The following ADAM23 variants were observed in gnomAD, a reference collection of about 807,000 sequenced individuals.
ADAM23 encodes ADAM metallopeptidase domain 23.
Under a neutral mutation model 120.1 loss-of-function variants are expected in ADAM23, and 33 were observed. That is an observed-to-expected ratio of 0.27 (90% confidence interval 0.21 to 0.37). ADAM23 has a LOEUF of 0.37. Ranked by LOEUF, ADAM23 falls within the 10% of genes least tolerant of loss-of-function variation. The pLI is 1.00. For missense variants in ADAM23, 862 were observed against 1,058.2 expected, an observed-to-expected ratio of 0.81 and a Z score of 2.57; for synonymous variants, 367 against 375.2, an observed-to-expected ratio of 0.98 and a Z score of 0.25.
intron 3 of ADAM23, among the ~76,000 whole-genome samples, chr2:206,502,995 A>C (rs1696421962): frequency 6.6e-6 from 1 of 152,194 alleles, no homozygotes; most frequent in Admixed American, 6.6e-5. Flanking sequence ...TATATGTATA[A>C]ATCAGGATGA....
At chr2:206,570,850 T>C in intron 16 of ADAM23, 39 bp downstream of exon 16, 1 of 1,560,864 alleles carries the variant, frequency 6.4e-7, no homozygotes, top group African/African-American at 1.4e-5. Flanking sequence ...AGCACAGATC[T>C]TACTTGGTGC....
In ADAM23 at chr2:206,449,166, G is replaced by A. The variant is rs2105848394; in HGVS notation, c.432+3642G>A. ...GGGAAAACCCTCCCATACGTCAGAT[G>A]TCAGAAGTGTTGGGTTAAGTGTTGT... is the stretch of plus-strand genomic sequence containing the variant. On this transcript the variant is annotated intron_variant, in intron 2 of 25. Transcript: ENST00000264377. Among the ~76,000 whole-genome samples, 3 of 152,326 alleles carry A rather than the reference G, an allele frequency of 2.0e-5. No homozygotes were observed. The South Asian group carries it at 6.2e-4, about 32-fold the overall frequency.
At chr2:206,559,612 C>T (rs935001785) in intron 10 of ADAM23, among the ~76,000 whole-genome samples, 7 of 152,246 alleles carry the variant, frequency 4.6e-5, no homozygotes, top group African/African-American at 1.7e-4. Context: ...CAGGCTCCAA[C>T]CTGTTACCTG....
At chr2:206,499,949 G>A (rs1235379342) in intron 3 of ADAM23, among the ~76,000 whole-genome samples, 1 of 152,064 alleles carries the variant, frequency 6.6e-6, no homozygotes, top group East Asian at 1.9e-4. Flanking sequence ...GAATCAAACT[G>A]TTCCTTCACC....
chr2:206,477,887 A>ATATATATATATATATATAT (rs1285925261), intron 2 of ADAM23, among the ~76,000 whole-genome samples: 2 of 82,334 alleles, frequency 2.4e-5, no homozygotes, highest in South Asian at 3.3e-4. Flanking sequence ...TGTTAAAAAA[A>ATATATATATATATATATAT]AAAAAAAAAA....
chr2:206,460,794 T>C (rs796421966), intron 2 of ADAM23, among the ~76,000 whole-genome samples: 2 of 152,316 alleles, frequency 1.3e-5, no homozygotes, highest in Admixed American at 6.5e-5. Flanking sequence ...TTTGGTGTTA[T>C]ATTCAAGAAA....
At chr2:206,567,646 G>A (rs1192217811) in intron 15 of ADAM23, among the ~76,000 whole-genome samples, 1 of 152,082 alleles carries the variant, frequency 6.6e-6, no homozygotes, top group African/African-American at 2.4e-5. Context: ...CTAAGAGATG[G>A]TGGGTTAAAT....
intron 3 of ADAM23, among the ~76,000 whole-genome samples, chr2:206,497,306 G>C (rs1696274669): frequency 6.6e-6 from 1 of 152,170 alleles, no homozygotes; most frequent in Non-Finnish European, 1.5e-5. Context: ...TATCCACCAT[G>C]ATCAAGTGGG....
At position 206,470,167 on chromosome 2, in the gene ADAM23, A is replaced by G. The variant is rs375144308; in HGVS notation, c.433-11065A>G. Among the ~76,000 whole-genome samples the G allele has an allele frequency of 9.9e-5, 15 of 152,268 alleles. 1 individual carries two copies. In the East Asian group the frequency reaches 1.5e-3, roughly 16 times the overall value. On this transcript the variant is annotated intron_variant, in intron 2 of 25. Coordinates refer to ENST00000264377, the MANE Select transcript of ADAM23 (RefSeq NM_003812.4). ...ACGTGATTATTTGCTTAATGAGTAA[A>G]TGATTTCATGTATGATGTAGAAGCC...
chr2:206,568,701 C>A (rs1574539297), intron 15 of ADAM23, among the ~76,000 whole-genome samples: 1 of 152,152 alleles, frequency 6.6e-6, no homozygotes, highest in African/African-American at 2.4e-5. Flanking sequence ...TCTAACATGG[C>A]AAATTTCGTA....
At chr2:206,463,258 A>G (rs1695463473) in intron 2 of ADAM23, among the ~76,000 whole-genome samples, 1 of 152,186 alleles carries the variant, frequency 6.6e-6, no homozygotes, top group African/African-American at 2.4e-5. Context: ...GGCCCAGTGT[A>G]ATCACAAGGG....
At chr2:206,532,131 G>C (rs1017719343) in intron 4 of ADAM23, among the ~76,000 whole-genome samples, 1 of 152,130 alleles carries the variant, frequency 6.6e-6, no homozygotes, top group African/African-American at 2.4e-5. Flanking sequence ...GCTAAATCAA[G>C]CGCGGGAACA....
intron 3 of ADAM23, among the ~76,000 whole-genome samples, chr2:206,501,162 A>G (rs919423836): frequency 6.6e-5 from 10 of 152,074 alleles, no homozygotes; most frequent in African/African-American, 2.4e-4. Flanking sequence ...TTTAAAAATG[A>G]GCTTCCTTTT....
rs572168191 is a variant in ADAM23, at chr2:206,474,655, G to A, written c.433-6577G>A. On this transcript the variant is annotated intron_variant, in intron 2 of 25. Transcript: ENST00000264377. Reference sequence around the variant, plus strand: ...AGTGGCATGATCTTGGCTAACTGCAGCCTCAAACACCTGGGCTCAGGTGAT... The same window carrying A: ...AGTGGCATGATCTTGGCTAACTGCAACCTCAAACACCTGGGCTCAGGTGAT... Among the ~76,000 whole-genome samples the A allele has an allele frequency of 2.6e-5, 4 of 152,146 alleles. No homozygotes were observed. The South Asian group carries it at 8.3e-4, about 32-fold the overall frequency.
Position 206,570,128 on chromosome 2 carries a change from A to C in ADAM23, c.1495-612A>C, listed in dbSNP as rs182589094. ...ACCAGTAGACTAGATTATTCTAGAA[A>C]TTATACTCTTCTATTGCCCTAGGAA... On this transcript the variant is annotated intron_variant, in intron 15 of 25. Coordinates refer to ENST00000264377, the MANE Select transcript of ADAM23 (RefSeq NM_003812.4). 2.4e-3 allele frequency among the ~76,000 whole-genome samples: 373 copies of C among 152,294 alleles called. 15 individuals carry two copies. In the East Asian group the frequency reaches 0.064, roughly 26 times the overall value.
intron 3 of ADAM23, among the ~76,000 whole-genome samples, chr2:206,493,403 GC>G (rs1395952855): frequency 6.6e-6 from 1 of 151,872 alleles, no homozygotes; most frequent in East Asian, 1.9e-4. Context: ...ACGGAGTTTC[GC>G]TCTTGTCACC....
At chr2:206,527,602 C>T (rs1254089465) in intron 3 of ADAM23, among the ~76,000 whole-genome samples, 1 of 152,158 alleles carries the variant, frequency 6.6e-6, no homozygotes, top group African/African-American at 2.4e-5. Flanking sequence ...TGCTTAGTTT[C>T]AATTTGAAAG....
chr2:206,480,701 C>T (rs1267449691), intron 2 of ADAM23, among the ~76,000 whole-genome samples: 1 of 152,042 alleles, frequency 6.6e-6, no homozygotes, highest in African/African-American at 2.4e-5. Context: ...CATAAGCTCT[C>T]AGTATTCACA....
At chr2:206,510,543 C>T (rs564615957) in intron 3 of ADAM23, among the ~76,000 whole-genome samples, 6 of 152,280 alleles carry the variant, frequency 3.9e-5, no homozygotes, top group African/African-American at 1.4e-4. Context: ...CTGGGCCCAT[C>T]ATGGGTCTTT....
Sources: gnomAD v4.1 joint callset for allele counts (sites outside exome capture counted in the v4.1 genomes callset) on GRCh38, gnomAD v4.1.1 for gene constraint, MANE v1.5 for transcripts, NCBI Gene and HGNC (gene_info 2026-07-23, HGNC 2026-07-21) for gene names.